The following IRAK1BP1 variants were observed in gnomAD, a reference collection of about 807,000 sequenced individuals.
IRAK1BP1 encodes interleukin-1 receptor-associated kinase 1-binding protein 1.
A neutral mutation model predicts 28.0 loss-of-function variants in IRAK1BP1; 24 were observed. The observed-to-expected ratio is 0.86, with a 90% CI of 0.62 to 1.20. The LOEUF is 1.20. Ranked by LOEUF, IRAK1BP1 falls within the 50% of genes most tolerant of loss-of-function variation. The pLI, the probability that IRAK1BP1 is intolerant of heterozygous loss-of-function variation, is 0.00. For synonymous variants in IRAK1BP1, 131 were observed against 116.3 expected, an observed-to-expected ratio of 1.13 and a Z score of -0.81; for missense variants, 336 against 316.7, an observed-to-expected ratio of 1.06 and a Z score of -0.46.
At chr6:78,943,491 AG>A (rs1421236855) in intron 4 of IRAK1BP1, among the ~76,000 whole-genome samples, 3 of 152,234 alleles carry the variant, frequency 2.0e-5, no homozygotes, top group Non-Finnish European at 4.4e-5. Context: ...GAAAGGGGGC[AG>A]ATTATTAAAA....
In IRAK1BP1 at chr6:78,867,694, C is replaced by T. The variant is rs762873897; in HGVS notation, c.118C>T (p.Pro40Ser). 3.1e-6 allele frequency: 5 copies of T among 1,614,236 alleles called. No individual in the cohort carries two copies. In the South Asian group the frequency reaches 4.4e-5, roughly 14 times the overall value. The change falls in exon 1 of 4, where the codon CCC (proline) becomes TCC (serine). Residue 40 changes from proline to serine, a missense_variant. Transcript: ENST00000369940. ...AGAGACGCTACCGGGCTTACGCCACCCCCTCTCCTCAACACAAGCCCAAAC... is the reference window on the plus strand; with the variant it reads ...AGAGACGCTACCGGGCTTACGCCACTCCCTCTCCTCAACACAAGCCCAAAC... ...GRETLPGLRH[P>S]LSSTQAQTAT... is the part of the protein sequence containing the mutation.
intron 4 of IRAK1BP1, among the ~76,000 whole-genome samples, chr6:78,911,795 A>G (rs1309594288): frequency 1.3e-5 from 2 of 152,152 alleles, no homozygotes; most frequent in Admixed American, 1.3e-4. Context: ...AGCTTCTGTT[A>G]CCCTCGTCAT....
the IRAK1BP1 span, among the ~76,000 whole-genome samples, chr6:78,971,833 C>A: frequency 3.6e-3 from 548 of 152,282 alleles, 4 homozygotes; most frequent in Non-Finnish European, 5.7e-3. Context: ...GCTTAAAAAA[C>A]GGCGCACCAC....
intron 4 of IRAK1BP1, among the ~76,000 whole-genome samples, chr6:78,932,421 C>CTTTTTTTTTTT (rs386407659): frequency 7.3e-5 from 9 of 123,692 alleles, no homozygotes; most frequent in Admixed American, 9.2e-5. Context: ...CTTTCTTTTT[C>CTTTTTTTTTTT]TTTTTTTTTT....
In IRAK1BP1 at chr6:78,898,115, A is replaced by C; in HGVS notation, c.564A>C (p.Glu188Asp). The C allele has an allele frequency of 1.2e-6, 2 of 1,613,732 alleles. No homozygotes were observed. Among genetic ancestry groups the C allele is most frequent in the Non-Finnish European group, 1.7e-6 (2 of 1,179,912 alleles). Residue 188 changes from glutamate to aspartate, a missense_variant, in exon 4 of 4, where the codon GAA (glutamate) becomes GAC (aspartate). Coordinates refer to ENST00000369940, the MANE Select transcript of IRAK1BP1 (RefSeq NM_001010844.4). ...AGAATGCGTGGCGCAAAGCTCAAGA[A>C]GTCTGTAACCTTGTTGGCCAAACCT... ...AVENAWRKAQ[E>D]VCNLVGQTLG...
exon 5 of IRAK1BP1, chr6:78,945,468 C>T: frequency 6.2e-7 from 1 of 1,609,956 alleles, no homozygotes; most frequent in Non-Finnish European, 8.5e-7. Context: ...GTATTCAAAG[C>T]TTTGGAATGT....
intron 4 of IRAK1BP1, among the ~76,000 whole-genome samples, chr6:78,922,391 A>G (rs531887385): frequency 6.6e-6 from 1 of 152,218 alleles, no homozygotes; most frequent in African/African-American, 2.4e-5. Context: ...GTAAAAAGAA[A>G]TGAACAAAGC....
the IRAK1BP1 span, among the ~76,000 whole-genome samples, chr6:78,971,861 C>G: frequency 3.3e-5 from 5 of 151,976 alleles, no homozygotes; most frequent in African/African-American, 1.2e-4. Flanking sequence ...TATCCCGCAC[C>G]TGGCTCGGAG....
intron 4 of IRAK1BP1, among the ~76,000 whole-genome samples, chr6:78,942,058 T>C (rs1039050203): frequency 2.0e-5 from 3 of 152,246 alleles, no homozygotes; most frequent in African/African-American, 7.2e-5. Flanking sequence ...GACATGTTTT[T>C]ATTTGATATG....
chr6:78,919,269 C>T (rs907831015), intron 4 of IRAK1BP1, among the ~76,000 whole-genome samples: 26 of 152,028 alleles, frequency 1.7e-4, no homozygotes, highest in African/African-American at 2.4e-5. Flanking sequence ...AATGTTCTGA[C>T]TCACACCAAG....
At chr6:78,916,514 G>A (rs1023321748) in intron 4 of IRAK1BP1, among the ~76,000 whole-genome samples, 3 of 152,070 alleles carry the variant, frequency 2.0e-5, no homozygotes, top group East Asian at 1.9e-4. Flanking sequence ...TATAATATGG[G>A]AATAATAGTA....
intron 4 of IRAK1BP1, chr6:78,936,018 A>G (rs1291466512): frequency 6.6e-6 from 1 of 152,224 alleles, no homozygotes; most frequent in Non-Finnish European, 1.5e-5. Flanking sequence ...TCCACGTAAC[A>G]GTAAAGAAAG....
chr6:78,922,756 G>T (rs1772774216), intron 4 of IRAK1BP1, among the ~76,000 whole-genome samples: 2 of 152,172 alleles, frequency 1.3e-5, no homozygotes, highest in Non-Finnish European at 1.5e-5. Context: ...AGAAGAGAGT[G>T]GGGGCCAATA....
chr6:78,884,934 C>A (rs1257295802), intron 1 of IRAK1BP1, among the ~76,000 whole-genome samples: 1 of 151,904 alleles, frequency 6.6e-6, no homozygotes, highest in Non-Finnish European at 1.5e-5. Flanking sequence ...CAGTTAATTG[C>A]CACTAAATAC....
the IRAK1BP1 span, among the ~76,000 whole-genome samples, chr6:78,952,024 C>T: frequency 7.9e-5 from 12 of 152,280 alleles, no homozygotes; most frequent in African/African-American, 2.9e-4. Flanking sequence ...TTCTTTTTGA[C>T]TTTCAATTGT....
chr6:78,950,786 G>T (rs776173525), downstream of IRAK1BP1, among the ~76,000 whole-genome samples: 3 of 151,940 alleles, frequency 2.0e-5, no homozygotes, highest in Non-Finnish European at 4.4e-5. Context: ...TCTTCTCAAA[G>T]AACCCAGCTT....
intron 2 of IRAK1BP1, among the ~76,000 whole-genome samples, chr6:78,888,844 A>G (rs914668252): frequency 6.6e-6 from 1 of 152,100 alleles, no homozygotes; most frequent in Non-Finnish European, 1.5e-5. Flanking sequence ...GAGGCCAGGC[A>G]CAGTGGCTCA....
intron 4 of IRAK1BP1, chr6:78,941,125 A>G (rs1484410812): frequency 1.2e-6 from 2 of 1,613,850 alleles, no homozygotes; most frequent in Admixed American, 3.3e-5. Flanking sequence ...TGGGATGCAC[A>G]TTATTTTGCT....
chr6:78,970,731 A>C, the IRAK1BP1 span: 1 of 1,203,170 alleles, frequency 8.3e-7, no homozygotes, highest in Non-Finnish European at 1.2e-6. Context: ...TTTTCTCCAA[A>C]TTCCATAATT....
Sources: gnomAD v4.1 joint callset for allele counts (sites outside exome capture counted in the v4.1 genomes callset) on GRCh38, gnomAD v4.1.1 for gene constraint, MANE v1.5 for transcripts, NCBI Gene and HGNC (gene_info 2026-07-23, HGNC 2026-07-21) for gene names.